Variants in RGMA observed in about 807,000 individuals in gnomAD.
The protein encoded by RGMA is repulsive guidance molecule A.
In RGMA, 10 loss-of-function variants were observed where a neutral mutation model predicts 23.2. The observed-to-expected ratio is 0.43, with a 90% CI of 0.27 to 0.73. RGMA has a LOEUF of 0.73. RGMA is among the 30% of genes least tolerant of loss of function. RGMA has a pLI of 0.20. For missense variants in RGMA, 547 were observed against 630.5 expected (o/e 0.87, Z 1.42); for synonymous variants, 308 against 279.3 (o/e 1.10, Z -1.03).
chr15:93,055,225 C>G (rs2054994513), intron 2 of RGMA, among the ~76,000 whole-genome samples: 1 of 152,170 alleles, frequency 6.6e-6, no homozygotes, highest in Non-Finnish European at 1.5e-5. Flanking sequence ...ACCTGTGGCA[C>G]TTACTGTGAC....
intron 1 of RGMA, among the ~76,000 whole-genome samples, chr15:93,081,884 A>G (rs965811545): frequency 2.0e-5 from 3 of 152,240 alleles, no homozygotes; most frequent in Non-Finnish European, 4.4e-5. Flanking sequence ...CTTATGTGAC[A>G]TTCACTTCCA....
At position 93,044,885 on chromosome 15, in the gene RGMA, T is replaced by TG; in HGVS notation, c.*112_*113insC. On this transcript the variant is annotated 3_prime_UTR_variant, in exon 4 of 4. Transcript: ENST00000329082. ...CCTTGGCAGCAGGCGGTCCCTGGCG[T>TG]TCTGCGGGGCCATGGTGGACACGCC... 1.1e-6 allele frequency: 1 copy of TG among 892,850 alleles called. No individual in the cohort carries two copies. The highest frequency in any genetic ancestry group is 1.7e-6 in the Non-Finnish European group (1 of 591,184). The allele number at this position is 892,850 out of a possible 1,614,324, so 55.3% of individuals were successfully genotyped here.
At chr15:93,067,772 C>A (rs2141834475) in intron 2 of RGMA, among the ~76,000 whole-genome samples, 1 of 152,266 alleles carries the variant, frequency 6.6e-6, no homozygotes, top group Admixed American at 6.5e-5. Context: ...GAGTTAGAGA[C>A]CCTCCCTTCT....
In RGMA at chr15:93,043,120, T is replaced by G. The variant is rs2054745527; in HGVS notation, c.*1878A>C. Reference sequence around the variant, plus strand: ...AAGCAATGTGTGGTGGCTGTTAAACTGCTGCATCTTCTATCCGCCTTCACA... The same window carrying G: ...AAGCAATGTGTGGTGGCTGTTAAACGGCTGCATCTTCTATCCGCCTTCACA... On this transcript the variant is annotated 3_prime_UTR_variant, in exon 4 of 4. Coordinates refer to ENST00000329082, the MANE Select transcript of RGMA (RefSeq NM_020211.3). 6.6e-6 allele frequency: 1 copy of G among 152,312 alleles called. No individual in the cohort carries two copies. The highest frequency in any genetic ancestry group is 1.5e-5 in the Non-Finnish European group (1 of 68,090). The allele number at this position is 152,312 out of a possible 1,614,324, so 9.4% of individuals were successfully genotyped here. A position where few individuals can be genotyped will look rare whatever the true frequency, so the allele number is the denominator to read the frequency against.
Position 93,052,154 on chromosome 15 carries a change from G to A in RGMA, c.484C>T (p.His162Tyr). 1.9e-6 allele frequency: 3 copies of A among 1,613,866 alleles called. No individual in the cohort carries two copies. The highest frequency in any genetic ancestry group is 2.5e-6 in the Non-Finnish European group (3 of 1,179,802). The change falls in exon 3 of 4, where the codon CAC becomes TAC. Residue 162 changes from histidine to tyrosine, a missense_variant. By Grantham distance (83) the His-to-Tyr change is moderately conservative. Transcript: ENST00000329082. The stretch of plus-strand genomic sequence containing the variant: ...TGTGGGTCCCCGAAGAGGCCACAGT[G>A]CGTGTAGTTGGGGGTGGCCGAGTGC... ...HKHSATPNYT[H>Y]CGLFGDPHLR...
At chr15:93,053,970 G>C (rs72767213) in intron 2 of RGMA, among the ~76,000 whole-genome samples, 21,142 of 152,180 alleles carry the variant, frequency 0.14, 1,690 homozygotes, top group South Asian at 0.3. Context: ...GCTCACGCCT[G>C]TAATCCCAGC....
chr15:93,087,054 A>G (rs771526902), intron 1 of RGMA, among the ~76,000 whole-genome samples: 4 of 152,166 alleles, frequency 2.6e-5, no homozygotes, highest in South Asian at 2.1e-4. Context: ...TCATATGTCT[A>G]TTGGAGAATG....
intron 2 of RGMA, among the ~76,000 whole-genome samples, chr15:93,071,373 T>A (rs1361677147): frequency 6.6e-6 from 1 of 152,056 alleles, no homozygotes; most frequent in Admixed American, 6.6e-5. Context: ...ACACTGGGGG[T>A]GAGGAGAGGG....
chr15:93,079,479 CATA>C (rs772085545), intron 1 of RGMA, among the ~76,000 whole-genome samples: 21 of 152,160 alleles, frequency 1.4e-4, no homozygotes, highest in Non-Finnish European at 3.1e-4. Context: ...AAGTGTGCTT[CATA>C]ATAATACTTT....
intron 1 of RGMA, among the ~76,000 whole-genome samples, chr15:93,084,624 C>T (rs779078841): frequency 3.3e-5 from 5 of 152,146 alleles, no homozygotes; most frequent in Non-Finnish European, 5.9e-5. Flanking sequence ...AGTCATGTGC[C>T]GCCACACCCG....
chr15:93,071,799 G>C (rs932067228), intron 2 of RGMA, among the ~76,000 whole-genome samples: 1 of 152,242 alleles, frequency 6.6e-6, no homozygotes, highest in Non-Finnish European at 1.5e-5. Flanking sequence ...TTCTTGCAAA[G>C]CTCAGTAGTG....
At chr15:93,051,025 G>A (rs1417469263) in intron 3 of RGMA, among the ~76,000 whole-genome samples, 2 of 152,192 alleles carry the variant, frequency 1.3e-5, no homozygotes, top group East Asian at 1.9e-4. Context: ...CCGGCTGCAA[G>A]TCTTCTCCAT....
chr15:93,067,902 G>A lies in RGMA; in HGVS notation c.130+5014C>T, dbSNP rs575913897. ...GCAGGTCCTAAGCCTGTCTGCTGTTGCAATGGCAGCAAGGTGACAGAGGGA... is the reference window on the plus strand; with the variant it reads ...GCAGGTCCTAAGCCTGTCTGCTGTTACAATGGCAGCAAGGTGACAGAGGGA... On this transcript the variant is annotated intron_variant, in intron 2 of 3. Transcript: ENST00000329082. 5.9e-5 allele frequency among the ~76,000 whole-genome samples: 9 copies of A among 152,236 alleles called. No individual in the cohort carries two copies. The South Asian group carries it at 1.9e-3, about 32-fold the overall frequency.
chr15:93,052,459 G>C lies in RGMA; in HGVS notation c.179C>G (p.Ala60Gly). 3 of 1,590,606 alleles carry C rather than the reference G, an allele frequency of 1.9e-6. No individual in the cohort carries two copies. The East Asian group carries it at 6.7e-5, about 36-fold the overall frequency. The part of the protein sequence containing the change: ...ILKCNSEFWS[A>G]TSGSHAPASD... ...GGCTGGGGCGTGGCTGCCCGACGTG[G>C]CGCTCCAGAACTCAGAGTTGCACTT... The change falls in exon 3 of 4, where the codon GCC becomes GGC. Residue 60 changes from alanine to glycine, a missense_variant. By Grantham distance (60) the Ala-to-Gly change is moderately conservative. Transcript: ENST00000329082.
At chr15:93,064,701 T>G (rs1895083591) in intron 2 of RGMA, among the ~76,000 whole-genome samples, 1 of 152,190 alleles carries the variant, frequency 6.6e-6, no homozygotes, top group East Asian at 1.9e-4. Flanking sequence ...AAATGGTGCA[T>G]GAAATGAATC....
chr15:93,087,877 G>A (rs953222402), intron 1 of RGMA, among the ~76,000 whole-genome samples: 3 of 152,040 alleles, frequency 2.0e-5, no homozygotes, highest in African/African-American at 7.2e-5. Context: ...GTTCTCCCTG[G>A]TACCGTCGAT....
intron 2 of RGMA, among the ~76,000 whole-genome samples, chr15:93,067,048 T>C (rs1895180552): frequency 1.3e-5 from 2 of 152,338 alleles, no homozygotes; most frequent in East Asian, 1.9e-4. Context: ...AAAAGAGCTT[T>C]AAAAATTATT....
At chr15:93,047,124 TG>T (rs2054836333) in intron 3 of RGMA, among the ~76,000 whole-genome samples, 1 of 152,048 alleles carries the variant, frequency 6.6e-6, no homozygotes, top group South Asian at 2.1e-4. Flanking sequence ...TTCCAGACTC[TG>T]GGCTCTCTTG....
At chr15:93,064,802 T>TCGTCCTC (rs547988198) in intron 2 of RGMA, among the ~76,000 whole-genome samples, 39 of 152,302 alleles carry the variant, frequency 2.6e-4, no homozygotes, top group African/African-American at 7.9e-4. Flanking sequence ...CTGGGTGGCA[T>TCGTCCTC]CGTCCTCTTT....
Sources: gnomAD v4.1 joint callset for allele counts (sites outside exome capture counted in the v4.1 genomes callset) on GRCh38, gnomAD v4.1.1 for gene constraint, MANE v1.5 for transcripts, NCBI Gene and HGNC (gene_info 2026-07-23, HGNC 2026-07-21) for gene names.